Variants in RCOR1 observed in about 807,000 individuals in gnomAD.
The protein encoded by RCOR1 is REST corepressor.
A neutral mutation model predicts 64.0 loss-of-function variants in RCOR1; 12 were observed. That is an observed-to-expected ratio of 0.19 (90% CI 0.12 to 0.30). The LOEUF (loss-of-function observed/expected upper bound fraction) is 0.30, where lower values mean the gene tolerates loss of function less well. Among genes scored for constraint, RCOR1 ranks in the 10% least tolerant of loss-of-function variants. RCOR1 has a pLI of 1.00. For synonymous variants in RCOR1, 279 were observed against 227.2 expected, an observed-to-expected ratio of 1.23 and a Z score of -2.05; for missense variants, 502 against 621.2, an observed-to-expected ratio of 0.81 and a Z score of 2.04.
At chr14:102,635,647 G>A (rs185866657) in intron 2 of RCOR1, among the ~76,000 whole-genome samples, 17 of 152,100 alleles carry the variant, frequency 1.1e-4, no homozygotes, top group African/African-American at 3.1e-4. Context: ...ATAATTTGAC[G>A]CAAGTTGACA....
At chr14:102,638,989 G>A (rs1425861250) in intron 2 of RCOR1, among the ~76,000 whole-genome samples, 1 of 152,166 alleles carries the variant, frequency 6.6e-6, no homozygotes, top group Non-Finnish European at 1.5e-5. Flanking sequence ...CCAAGTTTTG[G>A]ATGTAATTCT....
chr14:102,633,448 C>T (rs1894168814), intron 2 of RCOR1, among the ~76,000 whole-genome samples: 1 of 152,076 alleles, frequency 6.6e-6, no homozygotes, highest in Non-Finnish European at 1.5e-5. Flanking sequence ...CCCTCCTTGG[C>T]CTCTTAAAGT....
At position 102,592,962 on chromosome 14, in the gene RCOR1, T is replaced by TCCGCCG. The variant is rs770589339; in HGVS notation, c.85_90dup (p.Ala29_Ala30dup). On this transcript the variant is annotated inframe_insertion, in exon 1 of 12. Coordinates refer to ENST00000262241, the MANE Select transcript of RCOR1 (RefSeq NM_015156.4). ...GAGGAACAACGCGGCCGCCTCCGCC[T>TCCGCCG]CCGCCGCCGCCGCCTCCGCCGCCGC... 126 of 1,166,112 alleles carry TCCGCCG rather than the reference T, an allele frequency of 1.1e-4. No individual in the cohort carries two copies. The highest frequency in any genetic ancestry group is 6.7e-4 in the South Asian group (23 of 34,586). The allele number at this position is 1,166,112 out of a possible 1,614,324, so 72.2% of individuals were successfully genotyped here. A position where few individuals can be genotyped will look rare whatever the true frequency, so the allele number is the denominator to read the frequency against.
intron 5 of RCOR1, among the ~76,000 whole-genome samples, chr14:102,707,795 G>A (rs902401502): frequency 6.7e-6 from 1 of 148,532 alleles, no homozygotes; most frequent in Non-Finnish European, 1.5e-5. Flanking sequence ...CCATACGAAG[G>A]ACTTTTTTTT....
At chr14:102,699,880 T>C (rs1895722092) in intron 3 of RCOR1, among the ~76,000 whole-genome samples, 1 of 152,136 alleles carries the variant, frequency 6.6e-6, no homozygotes, top group South Asian at 2.1e-4. Context: ...GAAGAAAGAC[T>C]AGAATATCCT....
chr14:102,646,437 T>C (rs1007522546), intron 2 of RCOR1, among the ~76,000 whole-genome samples: 1 of 152,014 alleles, frequency 6.6e-6, no homozygotes, highest in African/African-American at 2.4e-5. Context: ...CAAAAAAGCT[T>C]GAAGAGCTAA....
intron 2 of RCOR1, among the ~76,000 whole-genome samples, chr14:102,667,439 T>TG (rs1178495471): frequency 1.3e-5 from 2 of 151,990 alleles, no homozygotes; most frequent in African/African-American, 4.8e-5. Flanking sequence ...AGATGGAGGT[T>TG]GCAGTGAGCT....
intron 2 of RCOR1, among the ~76,000 whole-genome samples, chr14:102,666,918 G>T (rs1238950390): frequency 1.3e-5 from 2 of 152,044 alleles, no homozygotes; most frequent in South Asian, 4.1e-4. Context: ...CTCCTGCTCC[G>T]CCCCTTTCCA....
chr14:102,716,055 G>A (rs370309565), intron 8 of RCOR1, among the ~76,000 whole-genome samples: 46 of 152,272 alleles, frequency 3.0e-4, no homozygotes, highest in African/African-American at 1.1e-3. Context: ...CTACATCATT[G>A]CCATATTTTG....
chr14:102,724,004 T>C (rs559207143), intron 11 of RCOR1, among the ~76,000 whole-genome samples: 1 of 152,322 alleles, frequency 6.6e-6, no homozygotes, highest in South Asian at 2.1e-4. Context: ...GGATCATTGG[T>C]TGACTGACTT....
chr14:102,708,216 C>T (rs867713292), intron 5 of RCOR1, among the ~76,000 whole-genome samples: 5 of 151,984 alleles, frequency 3.3e-5, no homozygotes, highest in African/African-American at 9.7e-5. Context: ...CCACCCGCCT[C>T]GGCCTCCCAA....
chr14:102,684,206 C>A (rs1015807892), intron 3 of RCOR1, among the ~76,000 whole-genome samples: 17 of 152,182 alleles, frequency 1.1e-4, no homozygotes, highest in African/African-American at 4.1e-4. Flanking sequence ...GTGGAAATGA[C>A]CTGTCAGTGT....
Position 102,728,755 on chromosome 14 carries a change from G to A in RCOR1, c.*2249G>A, listed in dbSNP as rs1004746706. On this transcript the variant is annotated 3_prime_UTR_variant, in exon 12 of 12. Coordinates refer to ENST00000262241, the MANE Select transcript of RCOR1 (RefSeq NM_015156.4). ...GGTCTCCAGCCCTGAAGAATCACGTGTGATCACAGCAGCTGACCTGGGCTT... is the reference window on the plus strand; with the variant it reads ...GGTCTCCAGCCCTGAAGAATCACGTATGATCACAGCAGCTGACCTGGGCTT... 6.6e-6 allele frequency: 1 copy of A among 152,160 alleles called. No homozygotes were observed. Among genetic ancestry groups the A allele is most frequent in the Non-Finnish European group, 1.5e-5 (1 of 68,036 alleles). 9.4% of individuals were successfully genotyped at this position (152,160 alleles called of 1,614,324 possible). A position where few individuals can be genotyped will look rare whatever the true frequency, so the allele number is the denominator to read the frequency against.
intron 8 of RCOR1, among the ~76,000 whole-genome samples, chr14:102,718,341 C>T (rs1337761921): frequency 2.6e-5 from 4 of 152,100 alleles, no homozygotes; most frequent in Admixed American, 6.5e-5. Context: ...AAAGCCTTAC[C>T]GGAAGCTCCT....
Position 102,592,771 on chromosome 14 carries a change from G to C in RCOR1, c.-116G>C, listed in dbSNP as rs1235827159. The stretch of plus-strand genomic sequence containing the variant: ...CCCCGACTCGGACTCGCGCCCGTGG[G>C]CTCCCGCCGCGCCCGCCCGGCCCCG... On this transcript the variant is annotated 5_prime_UTR_variant, in exon 1 of 12. Coordinates refer to ENST00000262241, the MANE Select transcript of RCOR1 (RefSeq NM_015156.4). The C allele has an allele frequency of 8.3e-7, 1 of 1,204,314 alleles. No homozygotes were observed. Among genetic ancestry groups the C allele is most frequent in the Admixed American group, 4.4e-5 (1 of 22,646 alleles). 74.6% of individuals were successfully genotyped at this position (1,204,314 alleles called of 1,614,324 possible).
In RCOR1 at chr14:102,592,961, CT is replaced by C; in HGVS notation, c.76del (p.Ser26ProfsTer80). 8.5e-7 allele frequency: 1 copy of C among 1,173,322 alleles called. No individual in the cohort carries two copies. The highest frequency in any genetic ancestry group is 3.4e-4 in the Middle Eastern group (1 of 2,902). The allele number at this position is 1,173,322 out of a possible 1,614,324, so 72.7% of individuals were successfully genotyped here. A position where few individuals can be genotyped will look rare whatever the true frequency, so the allele number is the denominator to read the frequency against. Reference sequence around the variant, plus strand: ...GGAGGAACAACGCGGCCGCCTCCGCCTCCGCCGCCGCCGCCTCCGCCGCCGC... The same window carrying C: ...GGAGGAACAACGCGGCCGCCTCCGCCCCGCCGCCGCCGCCTCCGCCGCCGC... Reference protein sequence around the residue: ...RGRNNAAASASAAAASAAASA... With the variant: ...RGRNNAAASAXAAAASAAASA... On this transcript the variant is annotated frameshift_variant, in exon 1 of 12. Coordinates refer to ENST00000262241, the MANE Select transcript of RCOR1 (RefSeq NM_015156.4). LOFTEE classifies it high-confidence loss of function.
intron 2 of RCOR1, among the ~76,000 whole-genome samples, chr14:102,602,936 G>A (rs1016156340): frequency 2.0e-5 from 3 of 152,042 alleles, no homozygotes; most frequent in Non-Finnish European, 4.4e-5. Flanking sequence ...CAACTCCTGG[G>A]CTCAACCAGT....
chr14:102,592,692 T>C lies in RCOR1; in HGVS notation c.-195T>C. 1.6e-6 allele frequency: 2 copies of C among 1,225,876 alleles called. No homozygotes were observed. The highest frequency in any genetic ancestry group is 3.2e-5 in the East Asian group (1 of 31,342). The allele number at this position is 1,225,876 out of a possible 1,614,324, so 75.9% of individuals were successfully genotyped here. ...GCGGCGATGAGAGCGAAAGTTGCGC[T>C]CGGCTCGTCGCTGGGGGCTTGAAGC... On this transcript the variant is annotated 5_prime_UTR_variant, in exon 1 of 12. Coordinates refer to ENST00000262241, the MANE Select transcript of RCOR1 (RefSeq NM_015156.4).
intron 2 of RCOR1, among the ~76,000 whole-genome samples, chr14:102,647,283 G>A (rs1351389497): frequency 3.9e-5 from 6 of 152,122 alleles, no homozygotes; most frequent in Admixed American, 3.3e-4. Flanking sequence ...GTGGAGCAGT[G>A]TCCTCAGAAT....
Sources: allele counts gnomAD v4.1 joint callset (sites outside exome capture counted in the v4.1 genomes callset), GRCh38; gene constraint gnomAD v4.1.1; transcripts MANE v1.5; gene names NCBI Gene and HGNC (gene_info 2026-07-23, HGNC 2026-07-21).